The following VPS13B variants were observed in gnomAD, a reference collection of about 807,000 sequenced individuals.
The protein encoded by VPS13B is vacuolar protein sorting 13 homolog B.
In VPS13B, 285 loss-of-function variants were observed where a neutral mutation model predicts 426.4. The observed-to-expected ratio is 0.67, with a 90% confidence interval of 0.61 to 0.74. The LOEUF (loss-of-function observed/expected upper bound fraction) is 0.74. VPS13B is among the 30% of genes least tolerant of loss of function. The probability of loss-of-function intolerance (pLI) is 0.00; values close to 1 mark genes in which losing one functional copy is unlikely to be tolerated. For synonymous variants in VPS13B, 1,676 were observed against 1,676.4 expected, an observed-to-expected ratio of 1.00 and a Z score of 0.01; for missense variants, 4,537 against 4,782.6, an observed-to-expected ratio of 0.95 and a Z score of 1.51.
chr8:99,037,483 A>C (rs763479368), intron 2 of VPS13B, among the ~76,000 whole-genome samples: 1 of 152,162 alleles, frequency 6.6e-6, no homozygotes, highest in African/African-American at 2.4e-5. Flanking sequence ...CTGGCTGCAG[A>C]GTTATTGGTC....
chr8:99,813,138 A>G (rs1427742681), intron 44 of VPS13B, among the ~76,000 whole-genome samples: 2 of 152,240 alleles, frequency 1.3e-5, no homozygotes, highest in African/African-American at 2.4e-5. Context: ...GTGCAAGCAC[A>G]CTACTCCACT....
chr8:99,584,565 C>T (rs766866695), intron 33 of VPS13B, among the ~76,000 whole-genome samples: 16 of 152,124 alleles, frequency 1.1e-4, no homozygotes, highest in Admixed American at 2.0e-4. Flanking sequence ...GGTCTCTGCC[C>T]TCTAGGCTTT....
In VPS13B at chr8:99,821,332, C is replaced by T. The variant is rs1814357255; in HGVS notation, c.9033C>T (p.Asn3011=). 1 of 1,613,746 alleles carries T rather than the reference C, an allele frequency of 6.2e-7. No individual in the cohort carries two copies. The highest frequency in any genetic ancestry group is 8.5e-7 in the Non-Finnish European group (1 of 1,179,794). ...TTGGAATATACTGGGCAAATACAAA[C>T]ACTGTGCACAAGTCAGTAGCAATTA... ...FQIGIYWANT[N]TVHKSVAIKL... is the part of the protein sequence containing the mutation. Residue 3011 remains asparagine, a synonymous_variant, in exon 50 of 62, where the codon AAC becomes AAT. Transcript: ENST00000357162.
intron 34 of VPS13B, among the ~76,000 whole-genome samples, chr8:99,643,090 T>G (rs1829437386): frequency 6.6e-6 from 1 of 152,146 alleles, no homozygotes; most frequent in Non-Finnish European, 1.5e-5. Flanking sequence ...CTTCCGAAGC[T>G]TTTTGCCTGT....
In VPS13B at chr8:99,164,875, C is replaced by T. The variant is rs941355326; in HGVS notation, c.2209-5164C>T. Among the ~76,000 whole-genome samples the T allele has an allele frequency of 7.2e-5, 11 of 151,988 alleles. No individual in the cohort carries two copies. The South Asian group carries it at 8.3e-4, about 11-fold the overall frequency. ...CTTTTTGACTTTCTCTTTCTCTCTT[C>T]GACTTTTTCTTTCCTTTCTGCTGCC... On this transcript the variant is annotated intron_variant, in intron 15 of 61. Coordinates refer to ENST00000357162, the MANE Select transcript of VPS13B (RefSeq NM_152564.5).
intron 19 of VPS13B, among the ~76,000 whole-genome samples, chr8:99,321,893 A>G (rs996626034): frequency 4.6e-5 from 7 of 152,208 alleles, no homozygotes; most frequent in African/African-American, 1.7e-4. Context: ...AAGGTTCCAA[A>G]ACTAAGACTG....
intron 51 of VPS13B, among the ~76,000 whole-genome samples, chr8:99,831,978 G>A (rs186912701): frequency 1.7e-3 from 264 of 152,232 alleles, no homozygotes; most frequent in African/African-American, 5.5e-3. Flanking sequence ...GTGCTTTACG[G>A]GGCCAGGCGT....
rs117383310 is a variant in VPS13B, at chr8:99,872,229, T to C, written c.11745+532T>C. ...AGGACCAATGCAGAAGCAAGGGGCA[T>C]CATGAAACAAGACTCTCCACTCCCT... On this transcript the variant is annotated intron_variant, in intron 61 of 61. Transcript: ENST00000357162. Among the ~76,000 whole-genome samples, 301 of 152,240 alleles carry C rather than the reference T, an allele frequency of 2.0e-3. 1 individual carries two copies. The Middle Eastern group carries it at 0.041, about 21-fold the overall frequency.
intron 39 of VPS13B, among the ~76,000 whole-genome samples, chr8:99,740,780 T>G (rs1306380315): frequency 6.6e-6 from 1 of 152,052 alleles, no homozygotes; most frequent in Non-Finnish European, 1.5e-5. Flanking sequence ...TGCTGAGAGA[T>G]TTTGTCACCA....
chr8:99,662,863 A>G (rs1322613024), intron 35 of VPS13B, among the ~76,000 whole-genome samples: 1 of 152,172 alleles, frequency 6.6e-6, no homozygotes, highest in African/African-American at 2.4e-5. Context: ...CCTAGCCAAC[A>G]TGGTGAAACC....
chr8:99,258,833 G>A (rs1817896169), intron 17 of VPS13B, among the ~76,000 whole-genome samples: 1 of 151,992 alleles, frequency 6.6e-6, no homozygotes, highest in Non-Finnish European at 1.5e-5. Flanking sequence ...CTTTTTTCAG[G>A]TGAAGAAACT....
At chr8:99,744,813 C>T (rs892337389) in intron 39 of VPS13B, among the ~76,000 whole-genome samples, 1 of 150,990 alleles carries the variant, frequency 6.6e-6, no homozygotes, top group African/African-American at 2.4e-5. Flanking sequence ...CACACCGGGG[C>T]CTGTTGTGGG....
intron 43 of VPS13B, among the ~76,000 whole-genome samples, chr8:99,808,168 T>G (rs1813500922): frequency 6.6e-6 from 1 of 152,178 alleles, no homozygotes; most frequent in Non-Finnish European, 1.5e-5. Context: ...AAAAATTATA[T>G]GTGATATGAA....
In VPS13B at chr8:99,384,304, G is replaced by C. The variant is rs763519651; in HGVS notation, c.2921G>C (p.Arg974Thr). 19 of 1,613,150 alleles carry C rather than the reference G, an allele frequency of 1.2e-5. No homozygotes were observed. Among genetic ancestry groups the C allele is most frequent in the Non-Finnish European group, 1.7e-6 (2 of 1,179,430 alleles). Reference sequence around the variant, plus strand: ...TATCAGCCTCAGAAACGAACAAGTAGACATATGCAACAGGTAAGAGATTTT... The same window carrying C: ...TATCAGCCTCAGAAACGAACAAGTACACATATGCAACAGGTAAGAGATTTT... ...LIYQPQKRTS[R>T]HMQQQPVVAV... Residue 974 changes from arginine (R) to threonine (T), a missense_variant, in exon 20 of 62, where the codon AGA (arginine) becomes ACA (threonine). By Grantham distance (71) the Arg-to-Thr change is moderately conservative (BLOSUM62 -1). Around this residue, in one of 2 missense-constraint regions of VPS13B, gnomAD observed 4,311 missense variants for 4,474.3 expected, o/e 0.96. Transcript: ENST00000357162.
At chr8:99,411,766 GT>G (rs1295850693) in intron 21 of VPS13B, among the ~76,000 whole-genome samples, 1 of 152,120 alleles carries the variant, frequency 6.6e-6, no homozygotes, top group Non-Finnish European at 1.5e-5. Flanking sequence ...CCCAGTTTCA[GT>G]TTTCTGCATA....
At chr8:99,507,634 G>C in intron 28 of VPS13B, 4 of 1,312,384 alleles carry the variant, frequency 3.0e-6, no homozygotes, top group Non-Finnish European at 4.3e-6. Context: ...CCAGGCAGAG[G>C]CCATACCTAG....
chr8:99,642,388 T>C lies in VPS13B; in HGVS notation c.5798T>C (p.Ile1933Thr), dbSNP rs1019903290. Residue 1933 changes from isoleucine (I) to threonine (T), a missense_variant, in exon 34 of 62, where the codon ATT (isoleucine) becomes ACT (threonine). Transcript: ENST00000357162. ...DLQLEPFLYF[I>T]VSQPSLLLSC... is the part of the protein sequence containing the mutation. ...CAGCTAGAGCCTTTTCTGTACTTTATTGTGTCCCAGCCTTCCTTGCTTCTG... is the reference window on the plus strand; with the variant it reads ...CAGCTAGAGCCTTTTCTGTACTTTACTGTGTCCCAGCCTTCCTTGCTTCTG... 4 of 1,614,018 alleles carry C rather than the reference T, an allele frequency of 2.5e-6. No homozygotes were observed. The highest frequency in any genetic ancestry group is 1.6e-4 in the Middle Eastern group (1 of 6,082).
chr8:99,072,168 G>A (rs576709775), intron 3 of VPS13B, among the ~76,000 whole-genome samples: 12 of 152,214 alleles, frequency 7.9e-5, no homozygotes, highest in African/African-American at 2.9e-4. Flanking sequence ...GGCCACCACA[G>A]CTGGGAATAC....
chr8:99,706,877 A>G (rs551573482), intron 36 of VPS13B, among the ~76,000 whole-genome samples: 1 of 152,222 alleles, frequency 6.6e-6, no homozygotes, highest in East Asian at 1.9e-4. Context: ...CCCCCACTCT[A>G]CTGAATTTGT....
Sources: gnomAD v4.1 joint callset for allele counts (sites outside exome capture counted in the v4.1 genomes callset) on GRCh38, gnomAD v4.1.1 for gene constraint, gnomAD v4.1.1 regional missense constraint, MANE v1.5 for transcripts, NCBI Gene and HGNC (gene_info 2026-07-23, HGNC 2026-07-21) for gene names.